CDH18: variants seen among roughly 807,000 people sequenced by gnomAD.
The protein encoded by CDH18 is cadherin-18.
A neutral mutation model predicts 67.9 loss-of-function variants in CDH18; 31 were observed. That is an observed-to-expected ratio of 0.46 (90% CI 0.34 to 0.62). CDH18 has a LOEUF of 0.62. Among genes scored for constraint, CDH18 ranks in the 20% least tolerant of loss-of-function variants. The pLI is 0.01. For missense variants in CDH18, 890 were observed against 975.5 expected, an observed-to-expected ratio of 0.91 and a Z score of 1.17; for synonymous variants, 362 against 347.2, an observed-to-expected ratio of 1.04 and a Z score of -0.48.
At chr5:20,018,698 A>G (rs1036991863) in intron 2 of CDH18, among the ~76,000 whole-genome samples, 5 of 152,194 alleles carry the variant, frequency 3.3e-5, no homozygotes, top group African/African-American at 1.2e-4. Flanking sequence ...TTTGTTTCCT[A>G]TGGAATAAAA....
intron 5 of CDH18, among the ~76,000 whole-genome samples, chr5:19,629,914 G>A (rs1477241087): frequency 1.3e-5 from 2 of 151,870 alleles, no homozygotes. Flanking sequence ...AAGAGTAGGA[G>A]GACATAGATT....
intron 6 of CDH18, among the ~76,000 whole-genome samples, chr5:19,601,280 C>T (rs1367743055): frequency 6.6e-6 from 1 of 152,106 alleles, no homozygotes; most frequent in Non-Finnish European, 1.5e-5. Flanking sequence ...AGTAGAAACA[C>T]TACCCTGATT....
intron 2 of CDH18, among the ~76,000 whole-genome samples, chr5:19,953,138 G>A (rs1382457407): frequency 6.6e-6 from 1 of 152,040 alleles, no homozygotes; most frequent in Non-Finnish European, 1.5e-5. Context: ...TACTCACAGA[G>A]CACATTGAAA....
chr5:19,786,082 T>C (rs1004988736), intron 3 of CDH18, among the ~76,000 whole-genome samples: 7 of 152,100 alleles, frequency 4.6e-5, no homozygotes, highest in African/African-American at 1.4e-4. Context: ...TATTTCATTT[T>C]ATTTCTGCAA....
rs184156286 is a variant in CDH18, at chr5:19,858,193, C to T, written c.-256-18951G>A. ...CAGGACAACTGGAAATGGGGGCTTC[C>T]AGGTCCTAAGCAGATTTAAAGATTT... On this transcript the variant is annotated intron_variant, in intron 2 of 12. Transcript: ENST00000382275. Among the ~76,000 whole-genome samples, 26 of 135,212 alleles carry T rather than the reference C, an allele frequency of 1.9e-4. No individual in the cohort carries two copies. The East Asian group carries it at 5.2e-3, about 27-fold the overall frequency. 88.7% of individuals were successfully genotyped at this position (135,212 alleles called of 152,430 possible).
intron 5 of CDH18, among the ~76,000 whole-genome samples, chr5:19,698,003 A>C (rs915427499): frequency 2.6e-5 from 4 of 152,186 alleles, no homozygotes; most frequent in African/African-American, 7.2e-5. Context: ...CTGGCAAGTG[A>C]GGCTACTTTT....
intron 2 of CDH18, among the ~76,000 whole-genome samples, chr5:20,104,611 T>A (rs1302339689): frequency 6.6e-6 from 1 of 152,084 alleles, no homozygotes; most frequent in Non-Finnish European, 1.5e-5. Flanking sequence ...CTCCTTAACT[T>A]CCCCACCTGT....
chr5:19,747,307 C>T (rs1279792102), intron 3 of CDH18, 71 bp from the exon 4 acceptor site: 1 of 1,256,598 alleles, frequency 8.0e-7, no homozygotes, highest in African/African-American at 1.5e-5. Flanking sequence ...TCTGAAAACT[C>T]CCTATCTATA....
intron 2 of CDH18, among the ~76,000 whole-genome samples, chr5:20,211,260 C>T (rs1433360002): frequency 1.3e-5 from 2 of 152,072 alleles, no homozygotes; most frequent in Non-Finnish European, 2.9e-5. Context: ...CCGGGAAGCT[C>T]GAACTGGGCA....
intron 2 of CDH18, among the ~76,000 whole-genome samples, chr5:19,875,973 GT>G (rs1212498766): frequency 1.3e-5 from 2 of 151,730 alleles, no homozygotes; most frequent in African/African-American, 4.8e-5. Flanking sequence ...TAATATAGAG[GT>G]TTTTTTATTT....
At chr5:19,506,605 C>T (rs969739333) in intron 10 of CDH18, among the ~76,000 whole-genome samples, 10 of 150,278 alleles carry the variant, frequency 6.7e-5, no homozygotes, top group African/African-American at 2.4e-4. Flanking sequence ...AATAATGCTG[C>T]ATATCTACAT....
chr5:20,488,673 T>TTATATATATATATATA lies in CDH18; in HGVS notation c.-580+86773_-580+86788dup, dbSNP rs34690857. On this transcript the variant is annotated intron_variant, in intron 1 of 14. Coordinates refer to the CDH18 transcript ENST00000507958. The stretch of plus-strand genomic sequence containing the variant: ...TCTTTTTGGTTGGAGGGGTAGTGTT[T>TTATATATATATATATA]TATATATATATATATATATATATAT... 3.8e-3 allele frequency among the ~76,000 whole-genome samples: 478 copies of TTATATATATATATATA among 126,802 alleles called. 3 individuals are homozygous for TTATATATATATATATA. Among genetic ancestry groups the TTATATATATATATATA allele is most frequent in the African/African-American group, 7.5e-3 (273 of 36,276 alleles). The allele number at this position is 126,802 out of a possible 152,430, so 83.2% of individuals were successfully genotyped here.
chr5:20,575,520 T>A (rs1163288711), exon 1 of CDH18: 1 of 152,180 alleles, frequency 6.6e-6, no homozygotes, highest in Non-Finnish European at 1.5e-5. Flanking sequence ...GAAAGGGGAC[T>A]TGATTTTTGT....
intron 2 of CDH18, among the ~76,000 whole-genome samples, chr5:20,186,479 A>G (rs567225999): frequency 1.3e-5 from 2 of 152,072 alleles, no homozygotes; most frequent in East Asian, 3.9e-4. Context: ...GAACAATCCA[A>G]TTAAGAAATA....
intron 1 of CDH18, among the ~76,000 whole-genome samples, chr5:20,500,539 A>C (rs990528587): frequency 1.3e-5 from 2 of 152,164 alleles, no homozygotes; most frequent in Non-Finnish European, 2.9e-5. Context: ...AATGGCCTTC[A>C]TCTGGTATTG....
intron 1 of CDH18, among the ~76,000 whole-genome samples, chr5:20,444,476 G>A (rs1749855405): frequency 6.6e-6 from 1 of 152,190 alleles, no homozygotes; most frequent in Non-Finnish European, 1.5e-5. Context: ...GGTGGAGGTT[G>A]CAGTGAGCCA....
intron 2 of CDH18, among the ~76,000 whole-genome samples, chr5:20,167,163 G>A (rs1160616905): frequency 1.3e-5 from 2 of 152,050 alleles, no homozygotes; most frequent in African/African-American, 4.8e-5. Flanking sequence ...AAATATATTT[G>A]AGGAATATAC....
chr5:19,927,012 A>G (rs1270194944), intron 2 of CDH18, among the ~76,000 whole-genome samples: 1 of 152,128 alleles, frequency 6.6e-6, no homozygotes, highest in African/African-American at 2.4e-5. Context: ...TTGCTACAGA[A>G]TTGTTTTAGT....
Position 19,957,293 on chromosome 5 carries a change from T to C in CDH18, c.-257+23767A>G, listed in dbSNP as rs111626903. On this transcript the variant is annotated intron_variant, in intron 2 of 12. Transcript: ENST00000382275. ...ATCTGCAAACATAAACACACAAACA[T>C]GCATATATGTATGTGTATATATATG... 3.4e-3 allele frequency among the ~76,000 whole-genome samples: 516 copies of C among 151,514 alleles called. 2 individuals carry two copies. The highest frequency in any genetic ancestry group is 5.5e-3 in the Non-Finnish European group (373 of 67,788).
Sources: allele counts gnomAD v4.1 joint callset (sites outside exome capture counted in the v4.1 genomes callset), GRCh38; gene constraint gnomAD v4.1.1; transcripts MANE v1.5; gene names NCBI Gene and HGNC (gene_info 2026-07-23, HGNC 2026-07-21).